RORA: variants seen among roughly 807,000 people sequenced by gnomAD.
RORA encodes nuclear receptor ROR-alpha.
Under a neutral mutation model 69.5 loss-of-function variants are expected in RORA, and 7 were observed. The ratio of observed to expected loss-of-function variants is 0.10; its 90% CI spans 0.06 to 0.19. The LOEUF (loss-of-function observed/expected upper bound fraction) is 0.19. Ranked by LOEUF, RORA falls within the 10% of genes least tolerant of loss-of-function variation. The pLI is 1.00. For missense variants in RORA, 457 were observed against 663.0 expected (o/e 0.69, Z 3.41); for synonymous variants, 261 against 240.8 (o/e 1.08, Z -0.78).
chr15:60,786,435 G>T (rs1595713858), intron 1 of RORA, among the ~76,000 whole-genome samples: 1 of 152,200 alleles, frequency 6.6e-6, no homozygotes, highest in Admixed American at 6.5e-5. Flanking sequence ...AGAGAAACAC[G>T]ATGGAAGCTA....
At chr15:60,677,347 C>T (rs1202060266) in intron 2 of RORA, 2 of 400,358 alleles carry the variant, frequency 5.0e-6, no homozygotes, top group African/African-American at 4.1e-5. Context: ...CAAAACAACC[C>T]CCAAAAAGCT....
chr15:61,122,578 T>G (rs150162947), intron 1 of RORA, among the ~76,000 whole-genome samples: 1 of 152,134 alleles, frequency 6.6e-6, no homozygotes, highest in Non-Finnish European at 1.5e-5. Context: ...TCAGATATGA[T>G]CTCATAAATA....
At position 60,943,780 on chromosome 15, in the gene RORA, G is replaced by A. The variant is rs904228656; in HGVS notation, c.167-265094C>T. On this transcript the variant is annotated intron_variant, in intron 1 of 10. Transcript: ENST00000335670. ...AAATACAAAAAATTAGCCAGGCGTG[G>A]TAGCGTGTGCCTGTAATCCCAGCTA... Among the ~76,000 whole-genome samples the A allele has an allele frequency of 5.3e-5, 8 of 151,798 alleles. No individual in the cohort carries two copies. The East Asian group carries it at 1.2e-3, about 22-fold the overall frequency.
chr15:60,701,660 G>A (rs1304864480), intron 1 of RORA, among the ~76,000 whole-genome samples: 1 of 152,212 alleles, frequency 6.6e-6, no homozygotes, highest in African/African-American at 2.4e-5. Context: ...TCCGGGGAGT[G>A]CCCTGTCCCC....
At chr15:61,045,543 C>G (rs1265547717) in intron 1 of RORA, among the ~76,000 whole-genome samples, 1 of 152,122 alleles carries the variant, frequency 6.6e-6, no homozygotes, top group Non-Finnish European at 1.5e-5. Flanking sequence ...GGTGAGTACT[C>G]TGAGGCACCC....
chr15:61,202,375 C>G (rs778418297), intron 1 of RORA, among the ~76,000 whole-genome samples: 17 of 152,188 alleles, frequency 1.1e-4, no homozygotes, highest in Non-Finnish European at 1.9e-4. Context: ...TTGGGTCCTT[C>G]TTCTAGAGGT....
intron 1 of RORA, among the ~76,000 whole-genome samples, chr15:60,800,467 C>G (rs2072563820): frequency 1.3e-5 from 2 of 152,172 alleles, no homozygotes; most frequent in African/African-American, 2.4e-5. Context: ...TGGAAAGTAT[C>G]AACCTTATAA....
At chr15:60,750,253 G>A (rs772141089) in intron 1 of RORA, among the ~76,000 whole-genome samples, 2 of 152,136 alleles carry the variant, frequency 1.3e-5, no homozygotes, top group African/African-American at 2.4e-5. Context: ...GGAGACCCAG[G>A]TCATATCTAC....
At chr15:60,810,744 G>T (rs2072732659) in intron 1 of RORA, among the ~76,000 whole-genome samples, 1 of 147,932 alleles carries the variant, frequency 6.8e-6, no homozygotes. Flanking sequence ...TCCCTTCGTA[G>T]TTTCTGTTTC....
intron 2 of RORA, among the ~76,000 whole-genome samples, chr15:60,550,443 C>G (rs1483009050): frequency 6.6e-6 from 1 of 152,134 alleles, no homozygotes; most frequent in Non-Finnish European, 1.5e-5. Flanking sequence ...ATAATTTATG[C>G]GTCAATAGTT....
intron 1 of RORA, among the ~76,000 whole-genome samples, chr15:61,041,872 T>C (rs1487318600): frequency 6.6e-6 from 1 of 152,258 alleles, no homozygotes; most frequent in African/African-American, 2.4e-5. Flanking sequence ...GTGTTAACTA[T>C]TAATTCATTG....
At chr15:60,660,770 A>G (rs1432510646) in intron 2 of RORA, among the ~76,000 whole-genome samples, 2 of 152,128 alleles carry the variant, frequency 1.3e-5, no homozygotes, top group Non-Finnish European at 2.9e-5. Flanking sequence ...AAAACTATTT[A>G]GAAACCAAAA....
chr15:60,851,706 ATG>A (rs140422098), intron 1 of RORA, among the ~76,000 whole-genome samples: 1 of 150,704 alleles, frequency 6.6e-6, no homozygotes, highest in African/African-American at 2.4e-5. Flanking sequence ...GCAATATTAT[ATG>A]TGTGTGTGTG....
intron 1 of RORA, among the ~76,000 whole-genome samples, chr15:61,228,793 G>A (rs966368187): frequency 1.3e-5 from 2 of 151,830 alleles, no homozygotes; most frequent in Admixed American, 6.6e-5. Flanking sequence ...AAGCCAGGGG[G>A]GTGAGCCCGC....
At chr15:60,939,676 C>T (rs574660340) in intron 1 of RORA, among the ~76,000 whole-genome samples, 1 of 152,228 alleles carries the variant, frequency 6.6e-6, no homozygotes, top group East Asian at 1.9e-4. Flanking sequence ...TGAATTATAA[C>T]AGGGGGACAG....
chr15:60,980,296 T>C (rs1457820255), intron 1 of RORA, among the ~76,000 whole-genome samples: 1 of 152,192 alleles, frequency 6.6e-6, no homozygotes, highest in Non-Finnish European at 1.5e-5. Flanking sequence ...ATTTTGTTGA[T>C]AATTTTTGCA....
chr15:60,879,229 T>G (rs903311768), intron 1 of RORA, among the ~76,000 whole-genome samples: 83 of 152,154 alleles, frequency 5.5e-4, no homozygotes, highest in African/African-American at 2.0e-3. Context: ...ACCAGGGTAG[T>G]GGGGCCCACA....
rs189908102 is a variant in RORA, at chr15:61,026,478, T to C, written c.166+202575A>G. ...AACTTTCGGTATTTGGGTATTTAAG[T>C]GCAAAGTGACTCTCAAGAAAATCAA... On this transcript the variant is annotated intron_variant, in intron 1 of 10. Coordinates refer to ENST00000335670, the MANE Select transcript of RORA (RefSeq NM_134261.3). 2.4e-4 allele frequency among the ~76,000 whole-genome samples: 37 copies of C among 152,352 alleles called. No individual in the cohort carries two copies. The East Asian group carries it at 5.4e-3, about 22-fold the overall frequency.
At chr15:60,879,291 T>A (rs994495733) in intron 1 of RORA, among the ~76,000 whole-genome samples, 6 of 148,848 alleles carry the variant, frequency 4.0e-5, no homozygotes, top group Non-Finnish European at 8.9e-5. Context: ...CTTGGAGAAG[T>A]TTTTTTTTTC....
Sources: gnomAD v4.1 joint callset for allele counts (sites outside exome capture counted in the v4.1 genomes callset) on GRCh38, gnomAD v4.1.1 for gene constraint, MANE v1.5 for transcripts, NCBI Gene and HGNC (gene_info 2026-07-23, HGNC 2026-07-21) for gene names.